Variants in RAMP1 observed in about 807,000 individuals in gnomAD.
RAMP1 encodes receptor activity-modifying protein 1.
Under a neutral mutation model 8.2 loss-of-function variants are expected in RAMP1, and 7 were observed. The observed-to-expected ratio is 0.85, with a 90% CI of 0.49 to 1.60. The LOEUF is 1.60. Among genes scored for constraint, RAMP1 ranks in the 40% most tolerant of loss-of-function variants. RAMP1 has a pLI of 0.00. For synonymous variants in RAMP1, 92 were observed against 84.7 expected, an observed-to-expected ratio of 1.09 and a Z score of -0.47; for missense variants, 192 against 202.4, an observed-to-expected ratio of 0.95 and a Z score of 0.31.
chr2:237,898,804 C>T (rs1475246431), intron 2 of RAMP1, among the ~76,000 whole-genome samples: 2 of 152,174 alleles, frequency 1.3e-5, no homozygotes, highest in Non-Finnish European at 2.9e-5. Context: ...TGTGCTTGCT[C>T]CACACCTGAC....
In RAMP1 at chr2:237,877,496, G is replaced by C. The variant is rs908742471; in HGVS notation, c.191+134G>C. The stretch of plus-strand genomic sequence containing the variant: ...GAAGGGTTCTTCCCCCAGTGGGGGG[G>C]GCCGGGATGAAGACAGAGGAGGGAG... On this transcript the variant is annotated intron_variant, in intron 2 of 2. Coordinates refer to ENST00000254661, the MANE Select transcript of RAMP1 (RefSeq NM_005855.4). The surrounding 1 kb of genome is among the most constrained non-coding windows in gnomAD (Gnocchi z 4.4). 2 of 1,239,296 alleles carry C rather than the reference G, an allele frequency of 1.6e-6. No individual in the cohort carries two copies. The highest frequency in any genetic ancestry group is 2.5e-5 in the East Asian group (1 of 39,690). The allele number at this position is 1,239,296 out of a possible 1,614,324, so 76.8% of individuals were successfully genotyped here.
Position 237,906,188 on chromosome 2 carries a change from T to G in RAMP1, c.192-5340T>G, listed in dbSNP as rs559712842. On this transcript the variant is annotated intron_variant, in intron 2 of 2. Coordinates refer to ENST00000254661, the MANE Select transcript of RAMP1 (RefSeq NM_005855.4). ...TCAAACCGTCACGACTTCATGTGGC[T>G]TTTTCCACTTCTGTTTTCTTCTTGA... Among the ~76,000 whole-genome samples the G allele has an allele frequency of 2.0e-5, 3 of 152,224 alleles. No homozygotes were observed. The South Asian group carries it at 6.2e-4, about 32-fold the overall frequency.
intron 2 of RAMP1, among the ~76,000 whole-genome samples, chr2:237,880,746 A>G (rs1488781439): frequency 6.6e-6 from 1 of 152,194 alleles, no homozygotes; most frequent in Non-Finnish European, 1.5e-5. Context: ...AGGCCTTACC[A>G]TTGGCTGGGT....
intron 1 of RAMP1, among the ~76,000 whole-genome samples, chr2:237,863,792 G>A (rs976340127): frequency 6.6e-6 from 1 of 151,498 alleles, no homozygotes; most frequent in Non-Finnish European, 1.5e-5. Flanking sequence ...ACTCCTCCCC[G>A]TGCTCCGAGA....
At chr2:237,861,348 T>C (rs1245348601) in intron 1 of RAMP1, among the ~76,000 whole-genome samples, 8 of 152,224 alleles carry the variant, frequency 5.3e-5, no homozygotes, top group Non-Finnish European at 8.8e-5. Context: ...ATTAATGTCA[T>C]TGGAGCCCAG....
chr2:237,871,417 C>T (rs569436271), intron 1 of RAMP1, among the ~76,000 whole-genome samples: 6 of 152,294 alleles, frequency 3.9e-5, no homozygotes, highest in East Asian at 3.9e-4. Flanking sequence ...CGCAGGCACT[C>T]GCATGCCTGA....
intron 2 of RAMP1, among the ~76,000 whole-genome samples, chr2:237,882,727 C>T (rs1167242186): frequency 9.2e-5 from 14 of 152,134 alleles, no homozygotes; most frequent in Non-Finnish European, 1.5e-5. Context: ...CTAGGGTGGG[C>T]AAGTTTGTCC....
intron 1 of RAMP1, among the ~76,000 whole-genome samples, chr2:237,863,770 GCT>G (rs2062154664): frequency 6.6e-6 from 1 of 151,832 alleles, no homozygotes; most frequent in East Asian, 1.9e-4. Context: ...TACGTTCTCA[GCT>G]CTCTCGGTGA....
At chr2:237,879,800 G>A (rs1204592214) in intron 2 of RAMP1, among the ~76,000 whole-genome samples, 1 of 149,420 alleles carries the variant, frequency 6.7e-6, no homozygotes, top group Non-Finnish European at 1.5e-5. Context: ...GACCAGCCTA[G>A]CCAACATGGT....
At chr2:237,884,439 C>A (rs2062406850) in intron 2 of RAMP1, among the ~76,000 whole-genome samples, 1 of 152,040 alleles carries the variant, frequency 6.6e-6, no homozygotes, top group African/African-American at 2.4e-5. Flanking sequence ...AGAGAGAAGG[C>A]AGAACAGAGA....
At chr2:237,910,525 TCACA>T (rs1283017821) in intron 2 of RAMP1, among the ~76,000 whole-genome samples, 4 of 136,740 alleles carry the variant, frequency 2.9e-5, no homozygotes, top group Non-Finnish European at 4.8e-5. Context: ...ATATACATAG[TCACA>T]CACACAGTAA....
At chr2:237,906,010 CA>C (rs377067863) in intron 2 of RAMP1, among the ~76,000 whole-genome samples, 32,944 of 95,614 alleles carry the variant, frequency 0.34, 3,988 homozygotes, top group African/African-American at 0.42. Flanking sequence ...GACTCTGTCT[CA>C]AAAAAAAAAA....
chr2:237,871,395 GT>G (rs2062243710), intron 1 of RAMP1, among the ~76,000 whole-genome samples: 1 of 152,188 alleles, frequency 6.6e-6, no homozygotes, highest in South Asian at 2.1e-4. Flanking sequence ...CCAGGCCATG[GT>G]TGACACCTCA....
chr2:237,886,381 G>A (rs1344623116), intron 2 of RAMP1, among the ~76,000 whole-genome samples: 4 of 152,186 alleles, frequency 2.6e-5, no homozygotes, highest in Non-Finnish European at 4.4e-5. Flanking sequence ...CTCACTTAAC[G>A]TGCGCGCCAT....
chr2:237,870,427 G>A (rs189141283), intron 1 of RAMP1, among the ~76,000 whole-genome samples: 23 of 152,336 alleles, frequency 1.5e-4, no homozygotes, highest in African/African-American at 2.6e-4. Flanking sequence ...CTGCTCACCC[G>A]CCTTTCTGGC....
chr2:237,902,531 C>T (rs954818354), intron 2 of RAMP1, among the ~76,000 whole-genome samples: 18 of 152,234 alleles, frequency 1.2e-4, no homozygotes, highest in East Asian at 9.7e-4. Flanking sequence ...ACCCCGCACC[C>T]CCACTCACCC....
intron 2 of RAMP1, among the ~76,000 whole-genome samples, chr2:237,902,633 C>T (rs2062613975): frequency 6.6e-6 from 1 of 152,084 alleles, no homozygotes; most frequent in Non-Finnish European, 1.5e-5. Context: ...GCCCAACGCC[C>T]CGTCCCCGCT....
In RAMP1 at chr2:237,865,004, G is replaced by A; in HGVS notation, c.52+5277G>A. ...TAAGCATTCAGATCTCATTCCTAGG[G>A]CAGTGGGAAAACCTTGAAGGACATT... On this transcript the variant is annotated intron_variant, in intron 1 of 2. Coordinates refer to ENST00000254661, the MANE Select transcript of RAMP1 (RefSeq NM_005855.4). This position sits in a 1 kb window ranked among gnomAD's most constrained non-coding sequence, Gnocchi z 4.2. Among the ~76,000 whole-genome samples the A allele has an allele frequency of 6.6e-6, 1 of 152,166 alleles. No individual in the cohort carries two copies. The highest frequency in any genetic ancestry group is 2.1e-4 in the South Asian group (1 of 4,836).
intron 1 of RAMP1, among the ~76,000 whole-genome samples, chr2:237,870,226 G>A (rs1413148115): frequency 6.6e-6 from 1 of 152,222 alleles, no homozygotes; most frequent in Non-Finnish European, 1.5e-5. Flanking sequence ...TTTTCTTGTG[G>A]ATTTTAATGT....
Sources: gnomAD v4.1 joint callset for allele counts (sites outside exome capture counted in the v4.1 genomes callset) on GRCh38, gnomAD v4.1.1 for gene constraint, Gnocchi (gnomAD v3.1) non-coding constraint, MANE v1.5 for transcripts, NCBI Gene and HGNC (gene_info 2026-07-23, HGNC 2026-07-21) for gene names.